The following DCTN1 variants were observed in gnomAD, a reference collection of about 807,000 sequenced individuals.
The protein encoded by DCTN1 is dynactin subunit 1, also known as 150 kDa dynein-associated polypeptide.
A neutral mutation model predicts 161.2 loss-of-function variants in DCTN1; 61 were observed. That is an observed-to-expected ratio of 0.38 (90% confidence interval 0.31 to 0.47). DCTN1 has a LOEUF of 0.47. Among genes scored for constraint, DCTN1 ranks in the 20% least tolerant of loss-of-function variants. The probability of loss-of-function intolerance (pLI) is 0.99; values close to 1 mark genes in which losing one functional copy is unlikely to be tolerated. For missense variants in DCTN1, 1,404 were observed against 1,623.7 expected, an observed-to-expected ratio of 0.86 and a Z score of 2.33; for synonymous variants, 653 against 632.4, an observed-to-expected ratio of 1.03 and a Z score of -0.49.
intron 3 of DCTN1, 55 bp downstream of exon 3, chr2:74,377,593 G>A: frequency 6.5e-7 from 1 of 1,545,622 alleles, no homozygotes; most frequent in South Asian, 1.1e-5. Context: ...ATGAGGAGAA[G>A]TCCTGGGGAC....
chr2:74,367,125 T>TGCAATCATCAGCCCCCA lies in DCTN1; in HGVS notation c.2254-35_2254-19dup. On this transcript the variant is annotated intron_variant, in intron 19 of 31. Transcript: ENST00000628224. ...TGCGTGAACTGTGAGGATAGAAGCA[T>TGCAATCATCAGCCCCCA]GCAATCATCAGCCCCCAGCAGGAGC... The TGCAATCATCAGCCCCCA allele has an allele frequency of 6.2e-7, 1 of 1,614,042 alleles. No homozygotes were observed. Among genetic ancestry groups the TGCAATCATCAGCCCCCA allele is most frequent in the African/African-American group, 1.3e-5 (1 of 75,052 alleles).
chr2:74,371,238 C>G, intron 8 of DCTN1, 62 bp from the exon 9 acceptor site: 1 of 1,607,888 alleles, frequency 6.2e-7, no homozygotes. Flanking sequence ...CAACACTGAG[C>G]TGGCGCAAAG....
chr2:74,382,148 A>G (rs1196966560), upstream of DCTN1, among the ~76,000 whole-genome samples: 2 of 152,244 alleles, frequency 1.3e-5, no homozygotes, highest in Non-Finnish European at 2.9e-5. Context: ...AAAAATTCAA[A>G]AGAGCTCAGA....
chr2:74,373,165 C>A (rs2103683935), intron 6 of DCTN1: 1 of 633,814 alleles, frequency 1.6e-6, no homozygotes, highest in Non-Finnish European at 2.9e-6. Context: ...TTGGTTCCTG[C>A]TCCCACTTTT....
intron 5 of DCTN1, among the ~76,000 whole-genome samples, chr2:74,375,678 T>C (rs566381812): frequency 3.9e-5 from 6 of 152,218 alleles, no homozygotes; most frequent in African/African-American, 1.4e-4. Context: ...GAGACAATAA[T>C]CAAAGGACAA....
At chr2:74,377,861 T>C in intron 2 of DCTN1, 135 bp from the exon 3 acceptor site, 2 of 1,474,780 alleles carry the variant, frequency 1.4e-6, no homozygotes, top group South Asian at 1.2e-5. Context: ...GCATCTTCAA[T>C]CTTCCCTCCC....
At position 74,374,322 on chromosome 2, in the gene DCTN1, C is replaced by A. The variant is rs1235693710; in HGVS notation, c.432+1G>T. On this transcript the variant is annotated splice_donor_variant, in intron 6 of 31. Coordinates refer to ENST00000628224, the MANE Select transcript of DCTN1 (RefSeq NM_004082.5). LOFTEE classifies it high-confidence loss of function. ...AGCAGGACGAGAGCAAGCAAGAGTA[C>A]CTTTCGGGCTGTCGGTGCCTGTCTC... 1.2e-6 allele frequency: 2 copies of A among 1,601,332 alleles called. No homozygotes were observed. Among genetic ancestry groups the A allele is most frequent in the Non-Finnish European group, 8.5e-7 (1 of 1,172,358 alleles).
chr2:74,361,712 G>A (rs1674007212), intron 31 of DCTN1, 76 bp from the exon 32 acceptor site: 1 of 1,596,238 alleles, frequency 6.3e-7, no homozygotes, highest in Non-Finnish European at 8.6e-7. Flanking sequence ...GGGTCCCTGA[G>A]CACTGAGACC....
chr2:74,366,481 A>G lies in DCTN1; in HGVS notation c.2606T>C (p.Leu869Pro). The G allele has an allele frequency of 6.2e-7, 1 of 1,614,210 alleles. No individual in the cohort carries two copies. Among genetic ancestry groups the G allele is most frequent in the Non-Finnish European group, 8.5e-7 (1 of 1,180,020 alleles). ...EGLLVAALEE[L>P]AFKASEQIYG... The stretch of plus-strand genomic sequence containing the variant: ...CACCTGCTCGCTTGCTTTGAAAGCC[A>G]GTTCCTCCAGAGCAGCCACAAGTAG... Residue 869 changes from leucine to proline, a missense_variant, in exon 22 of 32, where the codon CTG becomes CCG. Physicochemically the swap from Leu to Pro is moderately conservative, Grantham distance 98. Coordinates refer to ENST00000628224, the MANE Select transcript of DCTN1 (RefSeq NM_004082.5).
intron 16 of DCTN1, 157 bp downstream of exon 16, chr2:74,368,571 T>C (rs1210746968): frequency 4.4e-5 from 43 of 973,530 alleles, no homozygotes; most frequent in Non-Finnish European, 6.1e-5. Flanking sequence ...AACACACCAT[T>C]TGTAATATAT....
Position 74,365,675 on chromosome 2 carries a change from T to C in DCTN1, c.2887-18A>G. 6.2e-7 allele frequency: 1 copy of C among 1,614,064 alleles called. No homozygotes were observed. Among genetic ancestry groups the C allele is most frequent in the South Asian group, 1.1e-5 (1 of 91,060 alleles). On this transcript the variant is annotated intron_variant, in intron 24 of 31. Coordinates refer to ENST00000628224, the MANE Select transcript of DCTN1 (RefSeq NM_004082.5). ...TCCTCTCCCTGGACAAGGACAGAAC[T>C]TCTAGATCCCTGACATCCTCCCCAC...
rs2104415505 is a variant in DCTN1 at position 74,366,567 on chromosome 2, C to T, written c.2520G>A (p.Val840=). 1 of 1,613,704 alleles carries T rather than the reference C, an allele frequency of 6.2e-7. No homozygotes were observed. Among genetic ancestry groups the T allele is most frequent in the Non-Finnish European group, 8.5e-7 (1 of 1,180,016 alleles). Residue 840 remains valine, a synonymous_variant, in exon 22 of 32, where the codon GTG becomes GTA. Coordinates refer to ENST00000628224, the MANE Select transcript of DCTN1 (RefSeq NM_004082.5). The stretch of plus-strand genomic sequence containing the variant: ...CAGCAGCAGCTGCCACCTCCTGCAG[C>T]ACAGCCACGACCCACGTCAAGTGTT... ...CRKHLTWVVA[V]LQEVAAAAAQ...
chr2:74,373,430 G>A (rs1573170111), intron 6 of DCTN1: 1 of 217,992 alleles, frequency 4.6e-6, no homozygotes, highest in African/African-American at 2.2e-5. Context: ...CATGTGACGA[G>A]CGTAATCTAA....
At chr2:74,382,267 CGTCA>C (rs2103746960), upstream of DCTN1, among the ~76,000 whole-genome samples, 1 of 152,254 alleles carries the variant, frequency 6.6e-6, no homozygotes, top group African/African-American at 2.4e-5. Flanking sequence ...GCCATATCTA[CGTCA>C]GTATCATGAG....
Position 74,370,813 on chromosome 2 carries a change from C to A in DCTN1, c.856G>T (p.Ala286Ser). Residue 286 changes from alanine to serine, a missense_variant, in exon 10 of 32, where the codon GCG becomes TCG. By Grantham distance (99) the Ala-to-Ser change is moderately conservative. Coordinates refer to ENST00000628224, the MANE Select transcript of DCTN1 (RefSeq NM_004082.5). This position sits in a 1 kb window ranked among gnomAD's most constrained non-coding sequence, Gnocchi z 4.4. Reference sequence around the variant, plus strand: ...ATATAGCGTTCCTTTGCCTCCAGCGCCTCCTTGGCTTCCTGAGGAAGAAGT... The same window carrying A: ...ATATAGCGTTCCTTTGCCTCCAGCGACTCCTTGGCTTCCTGAGGAAGAAGT... ...LKEARKEAKE[A>S]LEAKERYMEE... 2 of 1,614,216 alleles carry A rather than the reference C, an allele frequency of 1.2e-6. No individual in the cohort carries two copies. Among genetic ancestry groups the A allele is most frequent in the Non-Finnish European group, 1.7e-6 (2 of 1,180,034 alleles).
At position 74,361,435 on chromosome 2, in the gene DCTN1, G is replaced by A; in HGVS notation, c.*64C>T. The A allele has an allele frequency of 6.2e-7, 1 of 1,610,450 alleles. No homozygotes were observed. ...TACCTGGGGGCTGGCTGAGGTGGCT[G>A]TGCATCGGGCAGAGCGGCACCAGAG... On this transcript the variant is annotated 3_prime_UTR_variant, in exon 32 of 32. Transcript: ENST00000628224.
At chr2:74,367,268 A>T in intron 19 of DCTN1, 84 bp downstream of exon 19, 1 of 1,569,450 alleles carries the variant, frequency 6.4e-7, no homozygotes, top group East Asian at 2.2e-5. Flanking sequence ...CTTATGTGAC[A>T]CTTCTTGGGT....
In DCTN1 at chr2:74,372,947, G is replaced by C. The variant is rs1017487221; in HGVS notation, c.434C>G (p.Thr145Ser). 1.2e-6 allele frequency: 2 copies of C among 1,614,056 alleles called. No individual in the cohort carries two copies. Among genetic ancestry groups the C allele is most frequent in the Non-Finnish European group, 1.7e-6 (2 of 1,179,986 alleles). Residue 145 changes from threonine to serine, a missense_variant and splice_region_variant, in exon 7 of 32, where the codon ACC (threonine) becomes AGC (serine). This residue lies in a region of DCTN1 where 174 missense variants were observed against 175.6 expected (regional missense o/e 0.99). Coordinates refer to ENST00000628224, the MANE Select transcript of DCTN1 (RefSeq NM_004082.5). ...TCTCACCTTGGGTCGCCGAGTTGTGGTCTGGACAGGCAACAGGAGCCAGAA... is the reference window on the plus strand; with the variant it reads ...TCTCACCTTGGGTCGCCGAGTTGTGCTCTGGACAGGCAACAGGAGCCAGAA... ...KPKKAPTARK[T>S]TTRRPKPTRP...
intron 26 of DCTN1, chr2:74,363,917 C>T: frequency 2.0e-6 from 1 of 498,738 alleles, no homozygotes; most frequent in East Asian, 3.7e-5. Context: ...GAACATGAGG[C>T]TGTTCCTGCC....
Sources: allele counts gnomAD v4.1 joint callset (sites outside exome capture counted in the v4.1 genomes callset), GRCh38; gene constraint gnomAD v4.1.1; regional missense constraint gnomAD v4.1.1; non-coding constraint Gnocchi (gnomAD v3.1); transcripts MANE v1.5; gene names NCBI Gene and HGNC (gene_info 2026-07-23, HGNC 2026-07-21).